Variants in PAG1 observed in about 807,000 individuals in gnomAD.
PAG1 encodes phosphoprotein membrane anchor with glycosphingolipid microdomains 1.
PAG1 carries 23 observed loss-of-function variants against 31.7 expected under a neutral mutation model. The observed-to-expected ratio is 0.73, with a 90% CI of 0.52 to 1.03. The LOEUF is 1.03. Ranked by LOEUF, PAG1 falls within the 50% of genes least tolerant of loss-of-function variation. The probability of loss-of-function intolerance (pLI) is 0.00; values close to 1 mark genes in which losing one functional copy is unlikely to be tolerated. For synonymous variants in PAG1, 214 were observed against 210.3 expected (o/e 1.02, Z -0.15); for missense variants, 473 against 540.7 (o/e 0.87, Z 1.24).
Position 81,111,829 on chromosome 8 carries a change from G to A in PAG1, c.-472C>T, listed in dbSNP as rs947275003. 2 of 152,412 alleles carry A rather than the reference G, an allele frequency of 1.3e-5. No individual in the cohort carries two copies. Among genetic ancestry groups the A allele is most frequent in the Non-Finnish European group, 1.5e-5 (1 of 68,096 alleles). The allele number at this position is 152,412 out of a possible 1,614,324, so 9.4% of individuals were successfully genotyped here. A position where few individuals can be genotyped will look rare whatever the true frequency, so the allele number is the denominator to read the frequency against. ...CTGAGGCTACTGCACCCGGCCGCGC[G>A]GACCCGAGCGCTGCAGCTGCCTCCA... On this transcript the variant is annotated 5_prime_UTR_variant, in exon 1 of 9. Transcript: ENST00000220597.
At position 81,111,622 on chromosome 8, in the gene PAG1, G is replaced by T. The variant is rs1809774897; in HGVS notation, c.-265C>A. On this transcript the variant is annotated 5_prime_UTR_variant, in exon 1 of 9. Coordinates refer to ENST00000220597, the MANE Select transcript of PAG1 (RefSeq NM_018440.4). ...TCAGGAGGCAGGGAGTCTTCCTGGC[G>T]GACGGCGCTCGGAGGCAGCCTCTGC... The T allele has an allele frequency of 6.6e-6, 1 of 152,324 alleles. No individual in the cohort carries two copies. The highest frequency in any genetic ancestry group is 1.5e-5 in the Non-Finnish European group (1 of 68,112). The allele number at this position is 152,324 out of a possible 1,614,324, so 9.4% of individuals were successfully genotyped here. A position where few individuals can be genotyped will look rare whatever the true frequency, so the allele number is the denominator to read the frequency against.
At chr8:81,057,152 G>C (rs1396100337) in intron 2 of PAG1, among the ~76,000 whole-genome samples, 1 of 152,198 alleles carries the variant, frequency 6.6e-6, no homozygotes, top group Non-Finnish European at 1.5e-5. Flanking sequence ...CATTGTGGAA[G>C]ACAGTGTGGC....
rs16908438 is a variant in PAG1, at chr8:81,042,966, T to G, written c.-174-12877A>C. 3.3e-5 allele frequency among the ~76,000 whole-genome samples: 5 copies of G among 152,290 alleles called. No individual in the cohort carries two copies. The South Asian group carries it at 6.2e-4, about 19-fold the overall frequency. On this transcript the variant is annotated intron_variant, in intron 2 of 8. Transcript: ENST00000220597. ...TGCTGATGGGCTCCACCAATCATAG[T>G]TGAAGATGCATAAATCCTCCTATTT...
At chr8:80,994,574 G>C (rs1387401596) in intron 3 of PAG1, among the ~76,000 whole-genome samples, 1 of 152,186 alleles carries the variant, frequency 6.6e-6, no homozygotes, top group Non-Finnish European at 1.5e-5. Context: ...AAGTGGCAGG[G>C]AGGGATGAGT....
intron 1 of PAG1, among the ~76,000 whole-genome samples, chr8:81,080,353 G>C (rs1465819398): frequency 6.6e-6 from 1 of 152,042 alleles, no homozygotes; most frequent in East Asian, 1.9e-4. Flanking sequence ...TTCAGAAATA[G>C]AACTTTAAGT....
chr8:80,985,481 T>C, intron 6 of PAG1, 104 bp from the exon 7 acceptor site: 1 of 1,201,320 alleles, frequency 8.3e-7, no homozygotes, highest in Non-Finnish European at 1.1e-6. Context: ...TGCGTGCTTT[T>C]TATTTAAGTC....
rs146887654 is a variant in PAG1 at position 81,078,262 on chromosome 8, T to C, written c.-233-8092A>G. ...AAAACCTATTACTAAAGACATTTTG[T>C]AGACAAATATCTAAAAAGAATTGAG... On this transcript the variant is annotated intron_variant, in intron 1 of 8. Transcript: ENST00000220597. Among the ~76,000 whole-genome samples, 157 of 152,348 alleles carry C rather than the reference T, an allele frequency of 1.0e-3. 3 individuals carry two copies. Among genetic ancestry groups the C allele is most frequent in the African/African-American group, 3.7e-3 (154 of 41,596 alleles).
At chr8:80,996,421 GTC>G (rs1052047529) in intron 3 of PAG1, among the ~76,000 whole-genome samples, 8 of 152,122 alleles carry the variant, frequency 5.3e-5, no homozygotes, top group East Asian at 3.9e-4. Context: ...TTCTCTCCTG[GTC>G]TCTCTCTCTT....
chr8:81,067,961 A>G (rs1346888616), intron 2 of PAG1, among the ~76,000 whole-genome samples: 2 of 152,142 alleles, frequency 1.3e-5, no homozygotes, highest in African/African-American at 4.8e-5. Context: ...TTGGGGGGCA[A>G]TCCTAGCTCA....
At chr8:80,979,731 T>G (rs973305796) in intron 8 of PAG1, among the ~76,000 whole-genome samples, 6 of 152,214 alleles carry the variant, frequency 3.9e-5, no homozygotes, top group African/African-American at 1.4e-4. Context: ...AGAAGCTATA[T>G]ACAGCTAGAT....
chr8:81,034,147 C>A (rs1265732920), intron 2 of PAG1, among the ~76,000 whole-genome samples: 1 of 152,168 alleles, frequency 6.6e-6, no homozygotes, highest in Non-Finnish European at 1.5e-5. Context: ...TAAATCAACC[C>A]CACTTGATAC....
chr8:81,017,087 C>A (rs752516536), intron 3 of PAG1, among the ~76,000 whole-genome samples: 16 of 152,086 alleles, frequency 1.1e-4, no homozygotes, highest in Non-Finnish European at 2.4e-4. Context: ...CTGAGCCCAG[C>A]CTAAACTATC....
intron 1 of PAG1, 37 bp from the exon 2 acceptor site, chr8:81,070,207 TC>T (rs1330287817): frequency 6.6e-6 from 1 of 152,206 alleles, no homozygotes; most frequent in Non-Finnish European, 1.5e-5. Flanking sequence ...ATTTCAAAAT[TC>T]TGAACTGGAT....
At chr8:81,078,653 T>C (rs1809215545) in intron 1 of PAG1, among the ~76,000 whole-genome samples, 1 of 152,152 alleles carries the variant, frequency 6.6e-6, no homozygotes, top group African/African-American at 2.4e-5. Flanking sequence ...CCTGACTCCA[T>C]ACACTAAGGG....
Position 80,984,854 on chromosome 8 carries a change from G to A in PAG1, c.798C>T (p.Asp266=), listed in dbSNP as rs59559770. Residue 266 remains aspartate (D), a synonymous_variant, in exon 7 of 9, where the codon GAC becomes GAT. Coordinates refer to ENST00000220597, the MANE Select transcript of PAG1 (RefSeq NM_018440.4). ...APPPVPVKLL[D]ENENLQEKEG... is the part of the protein sequence containing the mutation. Reference sequence around the variant, plus strand: ...CCTTCTCCTGAAGGTTTTCATTCTCGTCCAGAAGCTTAACAGGGACAGGTG... The same window carrying A: ...CCTTCTCCTGAAGGTTTTCATTCTCATCCAGAAGCTTAACAGGGACAGGTG... 3.1e-5 allele frequency: 50 copies of A among 1,613,886 alleles called. No homozygotes were observed. Among genetic ancestry groups the A allele is most frequent in the Middle Eastern group, 3.3e-4 (2 of 6,062 alleles).
intron 1 of PAG1, among the ~76,000 whole-genome samples, chr8:81,096,556 A>G (rs1432390157): frequency 2.0e-5 from 3 of 152,222 alleles, no homozygotes; most frequent in Non-Finnish European, 4.4e-5. Flanking sequence ...AGACTCTGCC[A>G]TCCATCTTTC....
At chr8:81,030,428 C>A (rs1808360485) in intron 2 of PAG1, among the ~76,000 whole-genome samples, 1 of 152,186 alleles carries the variant, frequency 6.6e-6, no homozygotes, top group Non-Finnish European at 1.5e-5. Context: ...CTCTGTGTTA[C>A]TACAGTGATA....
chr8:80,996,583 GTC>G (rs1452409209), intron 3 of PAG1, among the ~76,000 whole-genome samples: 3 of 152,144 alleles, frequency 2.0e-5, no homozygotes, highest in Non-Finnish European at 2.9e-5. Context: ...GTAAATGTGT[GTC>G]GGTGGACCGG....
Position 80,974,065 on chromosome 8 carries a change from G to A in PAG1, c.*2479C>T, listed in dbSNP as rs1807131686. On this transcript the variant is annotated 3_prime_UTR_variant, in exon 9 of 9. Coordinates refer to ENST00000220597, the MANE Select transcript of PAG1 (RefSeq NM_018440.4). Reference sequence around the variant, plus strand: ...TCAGTGCATATTTCATAGCCACATTGCAGAACTAATATTTGAAAACTCTTG... The same window carrying A: ...TCAGTGCATATTTCATAGCCACATTACAGAACTAATATTTGAAAACTCTTG... 6.6e-6 allele frequency: 1 copy of A among 151,386 alleles called. No individual in the cohort carries two copies. The highest frequency in any genetic ancestry group is 1.5e-5 in the Non-Finnish European group (1 of 67,968). 9.4% of individuals were successfully genotyped at this position (151,386 alleles called of 1,614,324 possible).
Sources: gnomAD v4.1 joint callset for allele counts (sites outside exome capture counted in the v4.1 genomes callset) on GRCh38, gnomAD v4.1.1 for gene constraint, MANE v1.5 for transcripts, NCBI Gene and HGNC (gene_info 2026-07-23, HGNC 2026-07-21) for gene names.